MYO3B: variants seen among roughly 807,000 people sequenced by gnomAD.
MYO3B encodes the protein myosin-IIIb.
In MYO3B, 156 loss-of-function variants were observed where a neutral mutation model predicts 174.6. The ratio of observed to expected loss-of-function variants is 0.89; its 90% CI spans 0.78 to 1.02. The LOEUF is 1.02. MYO3B is among the 50% of genes least tolerant of loss of function. MYO3B has a pLI of 0.00. For synonymous variants in MYO3B, 563 were observed against 569.1 expected, an observed-to-expected ratio of 0.99 and a Z score of 0.15; for missense variants, 1,632 against 1,639.4, an observed-to-expected ratio of 1.00 and a Z score of 0.08.
At chr2:170,395,220 G>A (rs911754211) in intron 16 of MYO3B, among the ~76,000 whole-genome samples, 1 of 152,104 alleles carries the variant, frequency 6.6e-6, no homozygotes, top group African/African-American at 2.4e-5. Flanking sequence ...AGGGCTGGGG[G>A]ATTATACCTA....
At chr2:170,497,589 G>A (rs1686956159) in intron 25 of MYO3B, among the ~76,000 whole-genome samples, 1 of 150,392 alleles carries the variant, frequency 6.6e-6, no homozygotes, top group Non-Finnish European at 1.5e-5. Context: ...CTGCACTCCA[G>A]CCTGGGCAAC....
intron 7 of MYO3B, among the ~76,000 whole-genome samples, chr2:170,241,922 G>A (rs2093139003): frequency 6.6e-6 from 1 of 152,100 alleles, no homozygotes. Flanking sequence ...CTCCTCCGCT[G>A]TGAGATGCAG....
chr2:170,646,391 T>C (rs77576522), intron 32 of MYO3B, among the ~76,000 whole-genome samples: 2,611 of 152,166 alleles, frequency 0.017, 97 homozygotes, highest in Admixed American at 0.077. Context: ...GGGGTTTTTT[T>C]CTGGGTTTTT....
intron 29 of MYO3B, among the ~76,000 whole-genome samples, chr2:170,517,989 TTGTGTGTGTGTG>T (rs10606302): frequency 6.7e-6 from 1 of 149,394 alleles, no homozygotes; most frequent in Middle Eastern, 3.2e-3. Context: ...GCCATAATGT[TTGTGTGTGTGTG>T]TGTGTGTGTG....
intron 32 of MYO3B, among the ~76,000 whole-genome samples, chr2:170,547,093 G>A (rs1690545865): frequency 6.6e-6 from 1 of 151,682 alleles, no homozygotes; most frequent in African/African-American, 2.4e-5. Context: ...GCCGAGGCGG[G>A]CAGATCACGA....
chr2:170,240,864 C>G (rs1242053442), intron 7 of MYO3B, among the ~76,000 whole-genome samples: 1 of 152,182 alleles, frequency 6.6e-6, no homozygotes, highest in Admixed American at 6.5e-5. Context: ...AAATCTCTCC[C>G]TTCTCCAAAC....
At chr2:170,512,464 A>T (rs4668270) in intron 28 of MYO3B, among the ~76,000 whole-genome samples, 5 of 152,180 alleles carry the variant, frequency 3.3e-5, no homozygotes, top group South Asian at 4.1e-4. Context: ...CATCCGTATG[A>T]GCCTTCTCTG....
chr2:170,354,328 G>A (rs1335496680), intron 8 of MYO3B, among the ~76,000 whole-genome samples: 1 of 152,292 alleles, frequency 6.6e-6, no homozygotes, highest in Non-Finnish European at 1.5e-5. Context: ...GTCTAGAGCA[G>A]AGATGGGTGG....
rs749214472 is a variant in MYO3B, at chr2:170,236,145, C to A, written c.749+9C>A. ...CTCTTTAAGATTCCAAGGTAAGACA[C>A]AAGATGGCGCTCTTGACTCATTAGT... is the stretch of plus-strand genomic sequence containing the variant. On this transcript the variant is annotated intron_variant, in intron 7 of 34. Coordinates refer to ENST00000408978, the MANE Select transcript of MYO3B (RefSeq NM_138995.5). 7 of 1,614,034 alleles carry A rather than the reference C, an allele frequency of 4.3e-6. No homozygotes were observed. Among genetic ancestry groups the A allele is most frequent in the Middle Eastern group, 1.7e-4 (1 of 6,060 alleles).
At chr2:170,537,448 A>ATTTT (rs559086883) in intron 30 of MYO3B, among the ~76,000 whole-genome samples, 1,592 of 54,844 alleles carry the variant, frequency 0.029, 317 homozygotes, top group Non-Finnish European at 0.037. Flanking sequence ...GAGCTCTTTG[A>ATTTT]TTTTTTTTTT....
Position 170,537,378 on chromosome 2 carries a change from G to A in MYO3B, c.3576-5528G>A, listed in dbSNP as rs183257659. ...ATAATAATTCTGGTCTGATCATATC[G>A]TCTGCAGAGTGGTTTTACTGCTGCT... On this transcript the variant is annotated intron_variant, in intron 30 of 34. Coordinates refer to ENST00000408978, the MANE Select transcript of MYO3B (RefSeq NM_138995.5). Among the ~76,000 whole-genome samples, 16 of 147,354 alleles carry A rather than the reference G, an allele frequency of 1.1e-4. No homozygotes were observed. The East Asian group carries it at 1.6e-3, about 15-fold the overall frequency.
chr2:170,626,098 C>T (rs1696399769), intron 32 of MYO3B, among the ~76,000 whole-genome samples: 1 of 152,118 alleles, frequency 6.6e-6, no homozygotes, highest in Non-Finnish European at 1.5e-5. Flanking sequence ...AATTCATTTC[C>T]TGGATATCCT....
chr2:170,452,694 T>C (rs1464566766), intron 23 of MYO3B, among the ~76,000 whole-genome samples: 2 of 152,210 alleles, frequency 1.3e-5, no homozygotes, highest in Non-Finnish European at 2.9e-5. Context: ...AACTTAACCA[T>C]GGATGCATAA....
chr2:170,513,028 T>A (rs1688079106), intron 28 of MYO3B, among the ~76,000 whole-genome samples: 1 of 152,200 alleles, frequency 6.6e-6, no homozygotes, highest in Non-Finnish European at 1.5e-5. Flanking sequence ...ATAATCCATA[T>A]GTATGATAAT....
intron 32 of MYO3B, among the ~76,000 whole-genome samples, chr2:170,617,350 T>C (rs1028258387): frequency 3.3e-5 from 5 of 152,170 alleles, no homozygotes; most frequent in South Asian, 2.1e-4. Context: ...TACTATGATA[T>C]TGATTAAAGG....
intron 32 of MYO3B, among the ~76,000 whole-genome samples, chr2:170,557,130 T>TTTTTTA: frequency 8.8e-6 from 1 of 113,906 alleles, no homozygotes; most frequent in Admixed American, 1.0e-4. Context: ...GTCTGCAGGG[T>TTTTTTA]TTTTTATTTT....
chr2:170,445,911 TG>T (rs2094838479), intron 23 of MYO3B, among the ~76,000 whole-genome samples: 1 of 152,156 alleles, frequency 6.6e-6, no homozygotes, highest in Non-Finnish European at 1.5e-5. Flanking sequence ...GTGCTGGGTT[TG>T]CAGGTGTGAG....
intron 6 of MYO3B, among the ~76,000 whole-genome samples, chr2:170,220,019 G>T (rs1326891100): frequency 6.6e-6 from 1 of 151,856 alleles, no homozygotes; most frequent in East Asian, 1.9e-4. Flanking sequence ...AGCACTTTGG[G>T]AGGCCAAGGT....
intron 5 of MYO3B, among the ~76,000 whole-genome samples, chr2:170,215,394 TA>T (rs2092816837): frequency 6.6e-6 from 1 of 152,152 alleles, no homozygotes; most frequent in South Asian, 2.1e-4. Context: ...AGAGAACTAT[TA>T]AATATCCCCT....
Sources: allele counts gnomAD v4.1 joint callset (sites outside exome capture counted in the v4.1 genomes callset), GRCh38; gene constraint gnomAD v4.1.1; transcripts MANE v1.5; gene names NCBI Gene and HGNC (gene_info 2026-07-23, HGNC 2026-07-21).